Variants in DAB1 observed in about 807,000 individuals in gnomAD.
DAB1 encodes the protein DAB adaptor protein 1.
Under a neutral mutation model 64.6 loss-of-function variants are expected in DAB1, and 15 were observed. The ratio of observed to expected loss-of-function variants is 0.23; its 90% CI spans 0.16 to 0.36. The LOEUF (loss-of-function observed/expected upper bound fraction) is 0.36. DAB1 is among the 10% of genes least tolerant of loss of function. The pLI, the probability that DAB1 is intolerant of heterozygous loss-of-function variation, is 1.00. For missense variants in DAB1, 596 were observed against 706.7 expected (o/e 0.84, Z 1.78); for synonymous variants, 235 against 251.9 (o/e 0.93, Z 0.64).
chr1:58,054,555 C>T (rs1647927103), intron 5 of DAB1, among the ~76,000 whole-genome samples: 1 of 152,228 alleles, frequency 6.6e-6, no homozygotes. Flanking sequence ...GTCTGCAATG[C>T]TGCTGGTTAC....
chr1:58,033,696 GTAGAT>G lies in DAB1; in HGVS notation n.387+116810_387+116814del, dbSNP rs533093695. 1.4e-4 allele frequency among the ~76,000 whole-genome samples: 22 copies of G among 152,260 alleles called. No homozygotes were observed. The South Asian group carries it at 4.6e-3, about 32-fold the overall frequency. ...AAAGTACTGTATAAATATTTGTTGA[GTAGAT>G]TAATTAAGAGTGACATTAAATTTTC... On this transcript the variant is annotated intron_variant and non_coding_transcript_variant, in intron 5 of 20. Transcript: ENST00000485760.
At chr1:58,030,821 C>A (rs1199377682) in intron 5 of DAB1, among the ~76,000 whole-genome samples, 1 of 152,222 alleles carries the variant, frequency 6.6e-6, no homozygotes. Flanking sequence ...TACATACAAT[C>A]ATTCAAAAAT....
chr1:57,114,297 T>C (rs1187460919), intron 4 of DAB1, among the ~76,000 whole-genome samples: 1 of 152,098 alleles, frequency 6.6e-6, no homozygotes, highest in African/African-American at 2.4e-5. Flanking sequence ...GGAAAGAAAA[T>C]GGAAGGAAGA....
rs1003192516 is a variant in DAB1, at chr1:58,035,828, G to C, written n.387+114683C>G. On this transcript the variant is annotated intron_variant and non_coding_transcript_variant, in intron 5 of 20. Transcript: ENST00000485760. ...GGGAGACTTGAGGTCTATTCTCCAGGAGCCTAAGGAAAACTGCAGCTTTGG... is the reference window on the plus strand; with the variant it reads ...GGGAGACTTGAGGTCTATTCTCCAGCAGCCTAAGGAAAACTGCAGCTTTGG... Among the ~76,000 whole-genome samples, 7 of 152,300 alleles carry C rather than the reference G, an allele frequency of 4.6e-5. 1 individual carries two copies. The highest frequency in any genetic ancestry group is 2.6e-4 in the Admixed American group (4 of 15,306).
chr1:58,336,305 G>A (rs1194259708), intron 4 of DAB1, among the ~76,000 whole-genome samples: 1 of 152,150 alleles, frequency 6.6e-6, no homozygotes, highest in East Asian at 1.9e-4. Context: ...GGCGTTTGAA[G>A]GTTTTCTGGG....
chr1:57,204,413 A>T (rs1665369052), intron 2 of DAB1, among the ~76,000 whole-genome samples: 1 of 150,956 alleles, frequency 6.6e-6, no homozygotes, highest in Non-Finnish European at 1.5e-5. Context: ...CAGACCTAAG[A>T]TTCCACAGAA....
chr1:58,054,127 C>A (rs1227924017), intron 5 of DAB1, among the ~76,000 whole-genome samples: 1 of 152,244 alleles, frequency 6.6e-6, no homozygotes, highest in African/African-American at 2.4e-5. Flanking sequence ...GCATTATCAT[C>A]CCTGTTTCAC....
intron 5 of DAB1, among the ~76,000 whole-genome samples, chr1:57,931,497 C>A (rs935091696): frequency 6.6e-6 from 1 of 152,198 alleles, no homozygotes; most frequent in African/African-American, 2.4e-5. Context: ...CCTTCTGTTT[C>A]GCAAGGTTAT....
intron 1 of DAB1, among the ~76,000 whole-genome samples, chr1:57,419,334 G>A (rs1253837409): frequency 2.0e-5 from 3 of 152,052 alleles, no homozygotes; most frequent in African/African-American, 7.2e-5. Context: ...CTGTAAATTA[G>A]GACAGTTGAC....
intron 1 of DAB1, among the ~76,000 whole-genome samples, chr1:57,325,705 GTTGT>G (rs1332075360): frequency 7.2e-5 from 11 of 152,164 alleles, no homozygotes; most frequent in African/African-American, 2.2e-4. Flanking sequence ...GGTGATAACA[GTTGT>G]TTAAGTGAAT....
At chr1:58,370,361 TTA>T (rs1644253679) in intron 3 of DAB1, among the ~76,000 whole-genome samples, 1 of 143,060 alleles carries the variant, frequency 7.0e-6, no homozygotes, top group Admixed American at 7.4e-5. Flanking sequence ...TGTATGTTAC[TTA>T]TGAGTGTGTG....
At position 57,256,886 on chromosome 1, in the gene DAB1, T is replaced by C. The variant is rs1396980483; in HGVS notation, c.67+34078A>G. On this transcript the variant is annotated intron_variant, in intron 2 of 14. Transcript: ENST00000371236. ...TGCCAAAGCAGCCTCCAGTAAGCCC[T>C]GGCAGTCTAGCAGCCACTGTTCCTG... Among the ~76,000 whole-genome samples, 6 of 152,340 alleles carry C rather than the reference T, an allele frequency of 3.9e-5. No individual in the cohort carries two copies. In the East Asian group the frequency reaches 1.2e-3, roughly 29 times the overall value.
rs182580665 is a variant in DAB1 at position 57,331,135 on chromosome 1, C to T, written c.-136-39969G>A. Among the ~76,000 whole-genome samples the T allele has an allele frequency of 3.9e-5, 6 of 152,228 alleles. No homozygotes were observed. In the East Asian group the frequency reaches 1.2e-3, roughly 29 times the overall value. ...CAAGTAAGCACCTAAAAAGTAAATG[C>T]TATATTGTATTTTTTTTGACTCTCT... On this transcript the variant is annotated intron_variant, in intron 1 of 14. Transcript: ENST00000371236.
chr1:57,025,990 G>A lies in DAB1; in HGVS notation c.777C>T (p.Thr259=), dbSNP rs772812140. Residue 259 remains threonine (T), a synonymous_variant, in exon 10 of 15, where the codon ACC becomes ACT. Coordinates refer to ENST00000371236, the MANE Select transcript of DAB1 (RefSeq NM_001365792.1). Reference sequence around the variant, plus strand: ...AGCAATGCATACTTACGGGGGGAGAGGTTATATCAGGGGGTGTGGACATGT... The same window carrying A: ...AGCAATGCATACTTACGGGGGGAGAAGTTATATCAGGGGGTGTGGACATGT... ...FGDMSTPPDI[T]SPPTPATPGD... is the part of the protein sequence containing the mutation. The A allele has an allele frequency of 1.9e-6, 3 of 1,583,754 alleles. No individual in the cohort carries two copies. Among genetic ancestry groups the A allele is most frequent in the South Asian group, 1.2e-5 (1 of 85,352 alleles).
At chr1:56,999,176 T>C (rs1645750348) in intron 14 of DAB1, among the ~76,000 whole-genome samples, 1 of 152,218 alleles carries the variant, frequency 6.6e-6, no homozygotes, top group African/African-American at 2.4e-5. Flanking sequence ...GCCCCTACCA[T>C]GTGTCTGGCA....
chr1:57,305,968 C>CAAA (rs1048177276), intron 1 of DAB1, among the ~76,000 whole-genome samples: 4 of 62,260 alleles, frequency 6.4e-5, no homozygotes, highest in Admixed American at 1.8e-4. Flanking sequence ...GACTCCGTCT[C>CAAA]AAAAAAAAAA....
chr1:57,490,740 A>G (rs1644152579), intron 7 of DAB1, among the ~76,000 whole-genome samples: 2 of 152,250 alleles, frequency 1.3e-5, no homozygotes, highest in African/African-American at 4.8e-5. Flanking sequence ...CTAAACAACG[A>G]GTGATGGAGC....
intron 7 of DAB1, among the ~76,000 whole-genome samples, chr1:57,455,053 T>C (rs571892037): frequency 6.6e-6 from 1 of 151,698 alleles, no homozygotes; most frequent in Non-Finnish European, 1.5e-5. Context: ...AGACACAGAG[T>C]TGGATTCAAA....
chr1:57,695,369 A>AAAGAAAGAAAGAAAGAAAAGAAAG (rs1646822781), intron 6 of DAB1, among the ~76,000 whole-genome samples: 2 of 48,654 alleles, frequency 4.1e-5, no homozygotes, highest in Non-Finnish European at 3.7e-5. Context: ...AAGAAGAAAG[A>AAAGAAAGAAAGAAAGAAAAGAAAG]AAGAAAGAAA....
Sources: allele counts gnomAD v4.1 joint callset (sites outside exome capture counted in the v4.1 genomes callset), GRCh38; gene constraint gnomAD v4.1.1; transcripts MANE v1.5; gene names NCBI Gene and HGNC (gene_info 2026-07-23, HGNC 2026-07-21).